Variants in FSTL5 observed in about 807,000 individuals in gnomAD.
FSTL5 encodes the protein follistatin-related protein 5.
Under a neutral mutation model 89.1 loss-of-function variants are expected in FSTL5, and 62 were observed. That is an observed-to-expected ratio of 0.70 (90% CI 0.57 to 0.86). The LOEUF (loss-of-function observed/expected upper bound fraction) is 0.86, where lower values mean the gene tolerates loss of function less well. Among genes scored for constraint, FSTL5 ranks in the 40% least tolerant of loss-of-function variants. FSTL5 has a pLI of 0.00. For missense variants in FSTL5, 1,057 were observed against 1,001.6 expected, an observed-to-expected ratio of 1.06 and a Z score of -0.75; for synonymous variants, 383 against 346.2, an observed-to-expected ratio of 1.11 and a Z score of -1.18.
chr4:162,146,770 C>CTCTCTCTCTCTCTCTT (rs754279568), intron 1 of FSTL5, among the ~76,000 whole-genome samples: 315 of 142,944 alleles, frequency 2.2e-3, no homozygotes, highest in Non-Finnish European at 3.7e-3. Flanking sequence ...CTCTCTCTCT[C>CTCTCTCTCTCTCTCTT]TCTTTCTTTC....
At chr4:161,766,357 T>C (rs1286782999) in intron 5 of FSTL5, among the ~76,000 whole-genome samples, 1 of 152,178 alleles carries the variant, frequency 6.6e-6, no homozygotes, top group African/African-American at 2.4e-5. Flanking sequence ...TGAAGCCTGC[T>C]GTGCCTCCCC....
intron 6 of FSTL5, among the ~76,000 whole-genome samples, chr4:161,678,275 C>A (rs1737380993): frequency 6.6e-6 from 1 of 151,822 alleles, no homozygotes; most frequent in East Asian, 1.9e-4. Flanking sequence ...ACAGAGTCCA[C>A]ACTTATAGAA....
intron 4 of FSTL5, among the ~76,000 whole-genome samples, chr4:161,904,373 G>A (rs2110805336): frequency 6.6e-6 from 1 of 152,108 alleles, no homozygotes; most frequent in East Asian, 1.9e-4. Context: ...ACTATTTTAG[G>A]AGTTTGTAAT....
At chr4:161,579,317 A>T (rs1733343178) in intron 8 of FSTL5, among the ~76,000 whole-genome samples, 2 of 152,200 alleles carry the variant, frequency 1.3e-5, no homozygotes. Context: ...TATCTGACAA[A>T]AATTTTAAAA....
intron 12 of FSTL5, among the ~76,000 whole-genome samples, chr4:161,498,662 C>T (rs974859560): frequency 6.6e-6 from 1 of 152,058 alleles, no homozygotes; most frequent in African/African-American, 2.4e-5. Context: ...AAACACTCTC[C>T]TATAAAATTA....
chr4:161,830,683 T>G (rs1223367623), intron 4 of FSTL5, among the ~76,000 whole-genome samples: 1 of 151,990 alleles, frequency 6.6e-6, no homozygotes, highest in African/African-American at 2.4e-5. Flanking sequence ...AAGTGTCCCT[T>G]GATGAAATGC....
intron 4 of FSTL5, 116 bp from the exon 5 acceptor site, chr4:161,776,190 T>C (rs1398072449): frequency 5.3e-6 from 3 of 562,492 alleles, no homozygotes; most frequent in Non-Finnish European, 8.4e-6. Flanking sequence ...TTTTTACTTT[T>C]CTGGTGTTTT....
At chr4:161,405,104 GC>G (rs966799084) in intron 15 of FSTL5, among the ~76,000 whole-genome samples, 3 of 151,934 alleles carry the variant, frequency 2.0e-5, no homozygotes, top group African/African-American at 7.3e-5. Context: ...ATGGTGGTGG[GC>G]ACCTGTAATC....
chr4:161,757,007 G>A (rs998157864), intron 6 of FSTL5, among the ~76,000 whole-genome samples: 4 of 152,080 alleles, frequency 2.6e-5, no homozygotes, highest in Non-Finnish European at 5.9e-5. Flanking sequence ...AGATTAGACT[G>A]CTTATTTATT....
intron 4 of FSTL5, among the ~76,000 whole-genome samples, chr4:161,853,354 G>A (rs889517552): frequency 9.2e-5 from 14 of 151,834 alleles, no homozygotes; most frequent in Middle Eastern, 3.4e-3. Flanking sequence ...TGCAACCTCC[G>A]CTTCCTGGGT....
intron 6 of FSTL5, among the ~76,000 whole-genome samples, chr4:161,693,013 C>A (rs530116403): frequency 1.3e-5 from 2 of 152,090 alleles, no homozygotes; most frequent in Non-Finnish European, 1.5e-5. Flanking sequence ...TGAGCCACTA[C>A]GCCCAGCCAC....
chr4:162,085,521 GTA>G (rs148269122), intron 2 of FSTL5, among the ~76,000 whole-genome samples: 89,728 of 151,344 alleles, frequency 0.59, 26,714 homozygotes, highest in Middle Eastern at 0.7. Flanking sequence ...ACATATGTGT[GTA>G]TACATGTTTG....
chr4:161,618,357 T>C (rs1227512324), intron 7 of FSTL5, among the ~76,000 whole-genome samples: 26 of 134,804 alleles, frequency 1.9e-4, no homozygotes, highest in African/African-American at 7.2e-4. Flanking sequence ...CTTCCAACAC[T>C]ATGTTGAATA....
chr4:161,594,731 TTAAC>T (rs1257209068), intron 7 of FSTL5, among the ~76,000 whole-genome samples: 5 of 152,034 alleles, frequency 3.3e-5, no homozygotes, highest in Non-Finnish European at 7.4e-5. Context: ...GAGCTAGACT[TTAAC>T]TAATCCTCTC....
intron 4 of FSTL5, among the ~76,000 whole-genome samples, chr4:161,897,412 C>A (rs1185101923): frequency 6.6e-6 from 1 of 150,886 alleles, no homozygotes; most frequent in East Asian, 2.0e-4. Flanking sequence ...GGAGTTTTTG[C>A]TTGATAAAAT....
intron 3 of FSTL5, among the ~76,000 whole-genome samples, chr4:162,012,483 T>C (rs1198358286): frequency 5.3e-5 from 8 of 152,136 alleles, no homozygotes; most frequent in Non-Finnish European, 7.4e-5. Flanking sequence ...TGAAATAATA[T>C]AACCCAAATT....
chr4:161,825,838 GC>G (rs1159629193), intron 4 of FSTL5, among the ~76,000 whole-genome samples: 2 of 151,940 alleles, frequency 1.3e-5, no homozygotes, highest in African/African-American at 2.4e-5. Flanking sequence ...AAAAGAGCCA[GC>G]TTTTTGTTTC....
At chr4:161,858,015 A>G (rs1731774491) in intron 4 of FSTL5, among the ~76,000 whole-genome samples, 1 of 152,176 alleles carries the variant, frequency 6.6e-6, no homozygotes, top group Non-Finnish European at 1.5e-5. Context: ...CCCACCTTAA[A>G]TTCATATGTT....
intron 7 of FSTL5, among the ~76,000 whole-genome samples, chr4:161,593,330 T>C (rs865952545): frequency 6.6e-6 from 1 of 152,266 alleles, no homozygotes; most frequent in Middle Eastern, 3.4e-3. Context: ...GCATATCTTA[T>C]ATATTTCTGG....
Sources: gnomAD v4.1 joint callset for allele counts (sites outside exome capture counted in the v4.1 genomes callset) on GRCh38, gnomAD v4.1.1 for gene constraint, MANE v1.5 for transcripts, NCBI Gene and HGNC (gene_info 2026-07-23, HGNC 2026-07-21) for gene names.